The following DAZAP1 variants were observed in gnomAD, a reference collection of about 807,000 sequenced individuals.
DAZAP1 encodes the protein DAZ associated protein 1, also known as DAZ-associated protein 1.
Under a neutral mutation model 60.1 loss-of-function variants are expected in DAZAP1, and 6 were observed. The ratio of observed to expected loss-of-function variants is 0.10; its 90% CI spans 0.05 to 0.20. DAZAP1 has a LOEUF of 0.20. Among genes scored for constraint, DAZAP1 ranks in the 10% least tolerant of loss-of-function variants. The probability of loss-of-function intolerance (pLI) is 1.00; values close to 1 mark genes in which losing one functional copy is unlikely to be tolerated. For synonymous variants in DAZAP1, 235 were observed against 215.9 expected, an observed-to-expected ratio of 1.09 and a Z score of -0.78; for missense variants, 366 against 560.4, an observed-to-expected ratio of 0.65 and a Z score of 3.50.
rs765264209 is a variant in DAZAP1, at chr19:1,432,674, C to T, written c.1032C>T (p.Phe344=). ...AGCCCCCGACAGCTCAGCCAGACTT[C>T]CCCTATGGTCAGTATGGTAAGTGGT... The part of the protein sequence containing the change: ...MSKPPTAQPD[F]PYGQYAGYGQ... Residue 344 remains phenylalanine (F), a synonymous_variant, in exon 11 of 12, where the codon TTC becomes TTT. Coordinates refer to ENST00000233078, the MANE Select transcript of DAZAP1 (RefSeq NM_018959.4). The surrounding 1 kb of genome is among the most constrained non-coding windows in gnomAD (Gnocchi z 4.9). 4 of 1,607,946 alleles carry T rather than the reference C, an allele frequency of 2.5e-6. No homozygotes were observed. Among genetic ancestry groups the T allele is most frequent in the Non-Finnish European group, 3.4e-6 (4 of 1,176,924 alleles).
In DAZAP1 at chr19:1,423,536, C is replaced by T. The variant is rs1477615721; in HGVS notation, c.463+1140C>T. On this transcript the variant is annotated intron_variant, in intron 6 of 11. Coordinates refer to ENST00000233078, the MANE Select transcript of DAZAP1 (RefSeq NM_018959.4). This position sits in a 1 kb window ranked among gnomAD's most constrained non-coding sequence, Gnocchi z 6.8. ...AACGAAGTTTCAGGTGTTTCTGTCC[C>T]GCTTCCTCAGTGGTGATGTCGCCTC... is the stretch of plus-strand genomic sequence containing the variant. Among the ~76,000 whole-genome samples the T allele has an allele frequency of 6.6e-6, 1 of 152,204 alleles. No individual in the cohort carries two copies. Among genetic ancestry groups the T allele is most frequent in the African/African-American group, 2.4e-5 (1 of 41,446 alleles).
intron 1 of DAZAP1, among the ~76,000 whole-genome samples, chr19:1,411,445 C>CGCT (rs2082828551): frequency 1.3e-5 from 2 of 152,226 alleles, no homozygotes; most frequent in Admixed American, 1.3e-4. Context: ...GTTGCCCCTG[C>CGCT]GCTGGGGGCC....
At chr19:1,421,810 G>A (rs1369007853) in intron 5 of DAZAP1, among the ~76,000 whole-genome samples, 2 of 152,324 alleles carry the variant, frequency 1.3e-5, no homozygotes, top group East Asian at 1.9e-4. Context: ...ACAGCCCTGC[G>A]TGCCTGAGTA....
Sources: gnomAD v4.1 joint callset for allele counts (sites outside exome capture counted in the v4.1 genomes callset) on GRCh38, gnomAD v4.1.1 for gene constraint, Gnocchi (gnomAD v3.1) non-coding constraint, MANE v1.5 for transcripts, NCBI Gene and HGNC (gene_info 2026-07-23, HGNC 2026-07-21) for gene names.